SDK1: variants seen among roughly 807,000 people sequenced by gnomAD.
SDK1 encodes the protein sidekick cell adhesion molecule 1, also known as protein sidekick-1.
In SDK1, 157 loss-of-function variants were observed where a neutral mutation model predicts 245.5. The observed-to-expected ratio is 0.64, with a 90% CI of 0.56 to 0.73. The LOEUF is 0.73. Among genes scored for constraint, SDK1 ranks in the 30% least tolerant of loss-of-function variants. The probability of loss-of-function intolerance (pLI) is 0.00; values close to 1 mark genes in which losing one functional copy is unlikely to be tolerated. For missense variants in SDK1, 3,583 were observed against 3,002.3 expected, an observed-to-expected ratio of 1.19 and a Z score of -4.52; for synonymous variants, 1,647 against 1,278.5, an observed-to-expected ratio of 1.29 and a Z score of -6.15.
intron 11 of SDK1, 25 bp downstream of exon 11, chr7:3,969,449 G>A (rs1237279241): frequency 1.3e-6 from 2 of 1,498,382 alleles, no homozygotes; most frequent in Admixed American, 2.0e-5. Context: ...TCGCACGTCG[G>A]CCTTCTGTTA....
intron 1 of SDK1, among the ~76,000 whole-genome samples, chr7:3,359,834 C>A (rs771590288): frequency 1.3e-5 from 2 of 152,154 alleles, no homozygotes; most frequent in Non-Finnish European, 2.9e-5. Flanking sequence ...AGTAATAAAA[C>A]CCTGGAGACA....
At chr7:4,183,897 C>T (rs992712820) in intron 35 of SDK1, among the ~76,000 whole-genome samples, 16 of 152,206 alleles carry the variant, frequency 1.1e-4, no homozygotes, top group African/African-American at 3.9e-4. Context: ...CTCTTGCACA[C>T]CCAAAACAAC....
intron 5 of SDK1, among the ~76,000 whole-genome samples, chr7:3,930,279 C>T (rs550947928): frequency 2.0e-5 from 3 of 152,262 alleles, no homozygotes; most frequent in Admixed American, 6.5e-5. Flanking sequence ...CCCTTTTCTT[C>T]GAATAACTCA....
intron 40 of SDK1, among the ~76,000 whole-genome samples, chr7:4,222,296 CTTTAT>C (rs986373213): frequency 2.0e-4 from 31 of 152,236 alleles, no homozygotes; most frequent in African/African-American, 6.5e-4. Context: ...CTAGAAACTT[CTTTAT>C]TTTATTTTTT....
chr7:3,563,042 G>C (rs144405280), intron 1 of SDK1, among the ~76,000 whole-genome samples: 2 of 152,152 alleles, frequency 1.3e-5, no homozygotes, highest in South Asian at 2.1e-4. Context: ...AGATGTTACC[G>C]TTATTGAGTG....
At chr7:3,743,608 A>G (rs1000088820) in intron 4 of SDK1, among the ~76,000 whole-genome samples, 7 of 152,216 alleles carry the variant, frequency 4.6e-5, no homozygotes, top group African/African-American at 1.7e-4. Flanking sequence ...AAATAACTTC[A>G]ACTGCAAACA....
At chr7:4,066,863 G>T (rs545111457) in intron 19 of SDK1, among the ~76,000 whole-genome samples, 1 of 152,278 alleles carries the variant, frequency 6.6e-6, no homozygotes, top group African/African-American at 2.4e-5. Context: ...GCCTGTGGCC[G>T]CCCTTCCTCA....
At chr7:3,772,661 C>G (rs1333859896) in intron 4 of SDK1, among the ~76,000 whole-genome samples, 1 of 152,158 alleles carries the variant, frequency 6.6e-6, no homozygotes. Flanking sequence ...TTTACCTTTA[C>G]TGAAATCTTT....
chr7:3,779,135 T>G (rs1218697504), intron 4 of SDK1, among the ~76,000 whole-genome samples: 5 of 152,212 alleles, frequency 3.3e-5, no homozygotes, highest in Non-Finnish European at 5.9e-5. Flanking sequence ...TTATTTTAAA[T>G]TGATTGATGT....
intron 14 of SDK1, among the ~76,000 whole-genome samples, chr7:4,002,174 C>G (rs1278304417): frequency 6.6e-6 from 1 of 152,214 alleles, no homozygotes; most frequent in African/African-American, 2.4e-5. Flanking sequence ...CTCTTAGTGC[C>G]CAGATGAGCT....
At chr7:3,984,465 C>G (rs927400691) in intron 13 of SDK1, among the ~76,000 whole-genome samples, 31 of 152,174 alleles carry the variant, frequency 2.0e-4, no homozygotes, top group African/African-American at 7.5e-4. Context: ...ATTTAGAATT[C>G]GATCAAACAT....
chr7:3,587,943 C>T (rs1182951223), intron 1 of SDK1, among the ~76,000 whole-genome samples: 1 of 152,222 alleles, frequency 6.6e-6, no homozygotes, highest in African/African-American at 2.4e-5. Flanking sequence ...TTGGATGGTT[C>T]ATTGATCCAA....
intron 4 of SDK1, among the ~76,000 whole-genome samples, chr7:3,740,087 G>T (rs1262941660): frequency 2.0e-5 from 3 of 152,148 alleles, no homozygotes; most frequent in Non-Finnish European, 4.4e-5. Flanking sequence ...AAGCCTTTGG[G>T]AAGGGACTTG....
intron 23 of SDK1, 89 bp from the exon 24 acceptor site, chr7:4,113,200 C>A (rs781603532): frequency 1.7e-4 from 235 of 1,412,732 alleles, no homozygotes; most frequent in Non-Finnish European, 2.1e-4. Flanking sequence ...TGAGCCCTCC[C>A]TTGAGAAACA....
intron 38 of SDK1, among the ~76,000 whole-genome samples, chr7:4,216,225 C>T (rs540722731): frequency 3.9e-4 from 60 of 152,264 alleles, no homozygotes; most frequent in African/African-American, 1.3e-3. Context: ...GGAGTGTGGC[C>T]AAGGGCAGGG....
intron 30 of SDK1, among the ~76,000 whole-genome samples, chr7:4,152,285 C>A (rs1326319853): frequency 2.6e-5 from 4 of 152,230 alleles, no homozygotes; most frequent in Non-Finnish European, 5.9e-5. Context: ...CTCTCCCCTC[C>A]AGAGGAAGGC....
intron 1 of SDK1, among the ~76,000 whole-genome samples, chr7:3,328,092 A>G (rs11980892): frequency 0.015 from 2,289 of 152,008 alleles, 66 homozygotes; most frequent in African/African-American, 0.052. Flanking sequence ...TGGTATTCTT[A>G]TTCTGTGTGT....
At chr7:3,361,163 A>G (rs748786220) in intron 1 of SDK1, among the ~76,000 whole-genome samples, 6 of 152,228 alleles carry the variant, frequency 3.9e-5, no homozygotes, top group Non-Finnish European at 7.3e-5. Context: ...TATTACAATT[A>G]TTTATGGCCA....
At chr7:3,739,442 G>C (rs1198412856) in intron 4 of SDK1, among the ~76,000 whole-genome samples, 3 of 152,038 alleles carry the variant, frequency 2.0e-5, no homozygotes, top group Non-Finnish European at 4.4e-5. Context: ...TGGCACACCT[G>C]TTGGCATCTC....
Sources: allele counts gnomAD v4.1 joint callset (sites outside exome capture counted in the v4.1 genomes callset), GRCh38; gene constraint gnomAD v4.1.1; transcripts MANE v1.5; gene names NCBI Gene and HGNC (gene_info 2026-07-23, HGNC 2026-07-21).